RBMS3: variants seen among roughly 807,000 people sequenced by gnomAD.
RBMS3 encodes the protein RNA-binding motif, single-stranded-interacting protein 3.
RBMS3 carries 27 observed loss-of-function variants against 66.8 expected under a neutral mutation model. The ratio of observed to expected loss-of-function variants is 0.40; its 90% confidence interval spans 0.30 to 0.56. The LOEUF (loss-of-function observed/expected upper bound fraction) is 0.56. RBMS3 is among the 20% of genes least tolerant of loss of function. The pLI is 0.40. For synonymous variants in RBMS3, 188 were observed against 183.0 expected, an observed-to-expected ratio of 1.03 and a Z score of -0.22; for missense variants, 513 against 549.5, an observed-to-expected ratio of 0.93 and a Z score of 0.66.
intron 1 of RBMS3, among the ~76,000 whole-genome samples, chr3:29,408,569 T>C (rs2040128054): frequency 6.6e-6 from 1 of 152,186 alleles, no homozygotes; most frequent in African/African-American, 2.4e-5. Context: ...AATTACCCTG[T>C]ACTTTTAGGG....
At chr3:29,522,568 T>C (rs2044902954) in intron 3 of RBMS3, among the ~76,000 whole-genome samples, 1 of 152,008 alleles carries the variant, frequency 6.6e-6, no homozygotes, top group East Asian at 1.9e-4. Context: ...GTCTAGAGGA[T>C]TGTGGCAGGA....
chr3:29,362,627 T>G (rs1326721390), intron 1 of RBMS3, among the ~76,000 whole-genome samples: 1 of 152,200 alleles, frequency 6.6e-6, no homozygotes, highest in East Asian at 1.9e-4. Context: ...CACTGGGAGC[T>G]GTAGACTGGA....
At chr3:29,410,456 C>T (rs1275959361) in intron 1 of RBMS3, among the ~76,000 whole-genome samples, 2 of 152,094 alleles carry the variant, frequency 1.3e-5, no homozygotes, top group East Asian at 1.9e-4. Flanking sequence ...GCAAGGAAGC[C>T]CATCTGTTCG....
intron 14 of RBMS3, among the ~76,000 whole-genome samples, chr3:29,994,314 G>T (rs1182315545): frequency 6.6e-6 from 1 of 152,250 alleles, no homozygotes; most frequent in African/African-American, 2.4e-5. Context: ...TAGCACAGCA[G>T]TCTGAGATCA....
At chr3:29,435,032 C>A in intron 2 of RBMS3, 117 bp downstream of exon 2, 1 of 1,072,488 alleles carries the variant, frequency 9.3e-7, no homozygotes, top group South Asian at 1.9e-5. Flanking sequence ...GAAGACTCTT[C>A]TTTACAAACA....
chr3:29,585,574 T>A (rs1416923111), intron 3 of RBMS3, among the ~76,000 whole-genome samples: 1 of 152,138 alleles, frequency 6.6e-6, no homozygotes, highest in Non-Finnish European at 1.5e-5. Flanking sequence ...GATGTTATTA[T>A]GACTTCACCA....
chr3:29,372,882 GAAAAAAA>G (rs201869825), intron 1 of RBMS3, among the ~76,000 whole-genome samples: 21 of 138,338 alleles, frequency 1.5e-4, no homozygotes, highest in Non-Finnish European at 2.5e-4. Flanking sequence ...CAGTGAGAGA[GAAAAAAA>G]AAAACAAAAA....
rs77751634 is a variant in RBMS3, at chr3:29,384,029, A to G, written c.76-50714A>G. Reference sequence around the variant, plus strand: ...GTTGGTAATGGTGAAATTATAATGGAAGAGAGCTGGGCACAGTGGCTCATG... The same window carrying G: ...GTTGGTAATGGTGAAATTATAATGGGAGAGAGCTGGGCACAGTGGCTCATG... On this transcript the variant is annotated intron_variant, in intron 1 of 14. Coordinates refer to ENST00000383767, the MANE Select transcript of RBMS3 (RefSeq NM_001003793.3). Among the ~76,000 whole-genome samples, 843 of 152,262 alleles carry G rather than the reference A, an allele frequency of 5.5e-3. 8 individuals are homozygous for G. Among genetic ancestry groups the G allele is most frequent in the African/African-American group, 0.019 (809 of 41,552 alleles).
intron 1 of RBMS3, among the ~76,000 whole-genome samples, chr3:29,368,781 G>A (rs2038039546): frequency 6.6e-6 from 1 of 152,020 alleles, no homozygotes; most frequent in South Asian, 2.1e-4. Context: ...TCAAATACCT[G>A]AAAAGAGAAA....
chr3:29,386,688 G>C (rs575206786), intron 1 of RBMS3, among the ~76,000 whole-genome samples: 10 of 152,120 alleles, frequency 6.6e-5, no homozygotes, highest in African/African-American at 2.4e-4. Context: ...GAGAAAAAAA[G>C]CTCTTGGCTC....
chr3:29,549,998 T>A (rs1394726344), intron 3 of RBMS3, among the ~76,000 whole-genome samples: 1 of 152,116 alleles, frequency 6.6e-6, no homozygotes, highest in Non-Finnish European at 1.5e-5. Flanking sequence ...ATAAAATTAA[T>A]CAGCTCTGGT....
intron 4 of RBMS3, among the ~76,000 whole-genome samples, chr3:29,691,132 AAATATGCCAGTCATATTTTGAC>A (rs1265976041): frequency 2.6e-5 from 4 of 152,212 alleles, no homozygotes; most frequent in African/African-American, 9.7e-5. Context: ...GATATTGTAT[AAATATGCCAGTCATATTTTGAC>A]ATCGCAGTCT....
rs927928887 is a variant in RBMS3 at position 30,007,810 on chromosome 3, C to A, written c.*3948C>A. On this transcript the variant is annotated 3_prime_UTR_variant, in exon 15 of 15. Transcript: ENST00000383767. ...ATTTCAACATTTCAGAATGTTACCT[C>A]CAAATTTCACTTGAATTACTTCCTC... is the stretch of plus-strand genomic sequence containing the variant. 1.3e-5 allele frequency: 2 copies of A among 152,030 alleles called. No homozygotes were observed. Among genetic ancestry groups the A allele is most frequent in the Non-Finnish European group, 2.9e-5 (2 of 67,956 alleles). 9.4% of individuals were successfully genotyped at this position (152,030 alleles called of 1,614,324 possible).
At position 29,694,861 on chromosome 3, in the gene RBMS3, T is replaced by A. The variant is rs540421705; in HGVS notation, c.400-44859T>A. On this transcript the variant is annotated intron_variant, in intron 4 of 14. Coordinates refer to ENST00000383767, the MANE Select transcript of RBMS3 (RefSeq NM_001003793.3). ...AAAAAGCTGCATGCAAATTTTTTTT[T>A]AAAAAAAAAATACAAGGCAGATTGT... 6.9e-3 allele frequency among the ~76,000 whole-genome samples: 1,019 copies of A among 147,224 alleles called. 7 individuals carry two copies. The highest frequency in any genetic ancestry group is 0.014 in the African/African-American group (573 of 40,544).
At chr3:29,385,776 T>G (rs2038983559) in intron 1 of RBMS3, among the ~76,000 whole-genome samples, 1 of 152,184 alleles carries the variant, frequency 6.6e-6, no homozygotes, top group Admixed American at 6.5e-5. Context: ...TATCCTAGAC[T>G]CTCTCATTAC....
intron 1 of RBMS3, among the ~76,000 whole-genome samples, chr3:29,425,606 C>A (rs1016327175): frequency 6.6e-6 from 1 of 151,794 alleles, no homozygotes; most frequent in Non-Finnish European, 1.5e-5. Flanking sequence ...TCACTGCACT[C>A]CAGCCTGGGT....
intron 4 of RBMS3, among the ~76,000 whole-genome samples, chr3:29,721,490 TG>T (rs2053642839): frequency 1.3e-5 from 2 of 152,148 alleles, no homozygotes; most frequent in Admixed American, 6.6e-5. Flanking sequence ...TTCCTGTGTG[TG>T]TAGAATGCCA....
At chr3:29,572,238 C>T (rs1214036147) in intron 3 of RBMS3, among the ~76,000 whole-genome samples, 1 of 151,960 alleles carries the variant, frequency 6.6e-6, no homozygotes, top group Non-Finnish European at 1.5e-5. Context: ...AATTTGACTT[C>T]TTTCTTTGTC....
intron 3 of RBMS3, among the ~76,000 whole-genome samples, chr3:29,525,276 GA>G (rs140080486): frequency 0.052 from 7,885 of 151,970 alleles, 351 homozygotes; most frequent in African/African-American, 0.12. Flanking sequence ...CTTTAAAAAT[GA>G]AAAAATAAAA....
Sources: allele counts gnomAD v4.1 joint callset (sites outside exome capture counted in the v4.1 genomes callset), GRCh38; gene constraint gnomAD v4.1.1; transcripts MANE v1.5; gene names NCBI Gene and HGNC (gene_info 2026-07-23, HGNC 2026-07-21).